Variants in DPP10 observed in about 807,000 individuals in gnomAD.
DPP10 encodes the protein dipeptidyl peptidase like 10.
A neutral mutation model predicts 120.9 loss-of-function variants in DPP10; 33 were observed. That is an observed-to-expected ratio of 0.27 (90% CI 0.21 to 0.37). The LOEUF (loss-of-function observed/expected upper bound fraction) is 0.37. Ranked by LOEUF, DPP10 falls within the 10% of genes least tolerant of loss-of-function variation. The pLI is 1.00. For synonymous variants in DPP10, 337 were observed against 326.1 expected, an observed-to-expected ratio of 1.03 and a Z score of -0.36; for missense variants, 816 against 942.8, an observed-to-expected ratio of 0.87 and a Z score of 1.76.
At chr2:115,112,362 T>C (rs1190061331) in intron 1 of DPP10, among the ~76,000 whole-genome samples, 1 of 152,156 alleles carries the variant, frequency 6.6e-6, no homozygotes, top group Admixed American at 6.5e-5. Context: ...TAAAAATTTT[T>C]ATTTTACATT....
chr2:115,797,137 A>G (rs892918328), intron 19 of DPP10, among the ~76,000 whole-genome samples: 4 of 152,088 alleles, frequency 2.6e-5, no homozygotes, highest in Non-Finnish European at 5.9e-5. Context: ...TACTATGTTA[A>G]TGCTTTGGTG....
chr2:115,836,890 AG>A, intron 24 of DPP10, 144 bp downstream of exon 24: 1 of 682,190 alleles, frequency 1.5e-6, no homozygotes, highest in Non-Finnish European at 2.4e-6. Flanking sequence ...ACATGATAGA[AG>A]GTGGGAAAAA....
intron 10 of DPP10, among the ~76,000 whole-genome samples, chr2:115,747,903 T>C (rs1385312851): frequency 6.6e-6 from 1 of 152,174 alleles, no homozygotes; most frequent in Non-Finnish European, 1.5e-5. Flanking sequence ...CCGCTTGTCT[T>C]GAAATAAAAT....
At position 114,478,970 on chromosome 2, in the gene DPP10, AT is replaced by A. The variant is rs1317272351; in HGVS notation, c.60+36133del. Among the ~76,000 whole-genome samples the A allele has an allele frequency of 6.4e-4, 27 of 42,068 alleles. 13 individuals are homozygous for A. Among genetic ancestry groups the A allele is most frequent in the African/African-American group, 2.5e-3 (26 of 10,380 alleles). 27.6% of individuals were successfully genotyped at this position (42,068 alleles called of 152,430 possible). On this transcript the variant is annotated intron_variant, in intron 1 of 25. Transcript: ENST00000410059. The stretch of plus-strand genomic sequence containing the variant: ...TTCTTAATTTCTTAATAAATTAAGC[AT>A]GTACAGAATCTGTATGCTGAAAATG...
Position 115,573,324 on chromosome 2 carries a change from C to G in DPP10, c.441+47352C>G, listed in dbSNP as rs994331824. On this transcript the variant is annotated intron_variant, in intron 5 of 25. Coordinates refer to ENST00000410059, the MANE Select transcript of DPP10 (RefSeq NM_020868.6). ...TTGAGAAGGAGTCTTGCTCTGTCGC[C>G]CAGGCTGGAGTGCAGTTGTAGGATC... Among the ~76,000 whole-genome samples, 5 of 148,086 alleles carry G rather than the reference C, an allele frequency of 3.4e-5. No homozygotes were observed. The South Asian group carries it at 1.1e-3, about 32-fold the overall frequency.
chr2:114,521,687 T>C lies in DPP10; in HGVS notation c.60+78849T>C, dbSNP rs192181921. Reference sequence around the variant, plus strand: ...TTTATGTGAAACATCTCCTGATGAATAGAAAGTCTGTGGCCATCCAAGCAG... The same window carrying C: ...TTTATGTGAAACATCTCCTGATGAACAGAAAGTCTGTGGCCATCCAAGCAG... On this transcript the variant is annotated intron_variant, in intron 1 of 25. Coordinates refer to ENST00000410059, the MANE Select transcript of DPP10 (RefSeq NM_020868.6). Among the ~76,000 whole-genome samples the C allele has an allele frequency of 9.9e-5, 15 of 152,116 alleles. No individual in the cohort carries two copies. In the East Asian group the frequency reaches 2.3e-3, roughly 24 times the overall value.
chr2:114,972,733 A>G (rs1699478257), intron 1 of DPP10, among the ~76,000 whole-genome samples: 1 of 152,214 alleles, frequency 6.6e-6, no homozygotes, highest in Non-Finnish European at 1.5e-5. Context: ...TAATCAAGAA[A>G]GTGTTCTATG....
chr2:115,404,831 T>G (rs2068390971), intron 3 of DPP10, among the ~76,000 whole-genome samples: 1 of 152,170 alleles, frequency 6.6e-6, no homozygotes, highest in Admixed American at 6.5e-5. Flanking sequence ...CTTTCAAGAA[T>G]TATTCCATTC....
chr2:115,399,876 G>T (rs2067940545), intron 3 of DPP10, among the ~76,000 whole-genome samples: 1 of 152,012 alleles, frequency 6.6e-6, no homozygotes, highest in East Asian at 1.9e-4. Context: ...AAATATATGA[G>T]ATGGGGTCAT....
At chr2:115,732,208 T>G (rs937151028) in intron 8 of DPP10, among the ~76,000 whole-genome samples, 2 of 152,162 alleles carry the variant, frequency 1.3e-5, no homozygotes, top group African/African-American at 4.8e-5. Flanking sequence ...AATTGAAATT[T>G]ACCTTTTGTA....
At chr2:115,806,545 A>G (rs1685992962) in intron 19 of DPP10, among the ~76,000 whole-genome samples, 1 of 151,870 alleles carries the variant, frequency 6.6e-6, no homozygotes, top group South Asian at 2.1e-4. Context: ...GAAAACCAGT[A>G]TTGTATCACC....
intron 1 of DPP10, among the ~76,000 whole-genome samples, chr2:114,554,469 A>G (rs1336883959): frequency 6.6e-6 from 1 of 152,198 alleles, no homozygotes; most frequent in Non-Finnish European, 1.5e-5. Flanking sequence ...GATGTATGAA[A>G]TTTCAGAATC....
chr2:115,093,729 GAC>G (rs1457570738), intron 1 of DPP10, among the ~76,000 whole-genome samples: 2 of 151,926 alleles, frequency 1.3e-5, no homozygotes, highest in Admixed American at 1.3e-4. Context: ...TATATGCAGA[GAC>G]ACACACATAA....
chr2:114,618,361 C>A (rs1174273633), intron 1 of DPP10, among the ~76,000 whole-genome samples: 1 of 151,952 alleles, frequency 6.6e-6, no homozygotes, highest in Non-Finnish European at 1.5e-5. Flanking sequence ...CCATTAATGA[C>A]AAGTACACAG....
At chr2:115,753,895 A>G (rs561584705) in intron 11 of DPP10, among the ~76,000 whole-genome samples, 2 of 152,140 alleles carry the variant, frequency 1.3e-5, no homozygotes, top group Admixed American at 6.6e-5. Context: ...GGTTATGTGT[A>G]TGGTATTTGG....
chr2:115,706,850 C>T lies in DPP10; in HGVS notation c.576+16929C>T, dbSNP rs2092129617. Among the ~76,000 whole-genome samples the T allele has an allele frequency of 4.6e-5, 7 of 151,906 alleles. 1 individual carries two copies. The highest frequency in any genetic ancestry group is 4.6e-4 in the Admixed American group (7 of 15,212). On this transcript the variant is annotated intron_variant, in intron 7 of 25. Transcript: ENST00000410059. Reference sequence around the variant, plus strand: ...TTATTAAATGGCATGCAGATAACTCCCCAAAGGGAACTGTGGTCTGCATTA... The same window carrying T: ...TTATTAAATGGCATGCAGATAACTCTCCAAAGGGAACTGTGGTCTGCATTA...
At chr2:115,258,993 G>A (rs2059130512) in intron 1 of DPP10, among the ~76,000 whole-genome samples, 2 of 152,240 alleles carry the variant, frequency 1.3e-5, no homozygotes. Flanking sequence ...AATGGCTTGA[G>A]CAAAGTTAAG....
At chr2:115,250,841 C>T (rs2105663619) in intron 1 of DPP10, among the ~76,000 whole-genome samples, 1 of 152,180 alleles carries the variant, frequency 6.6e-6, no homozygotes, top group South Asian at 2.1e-4. Flanking sequence ...CAAACATGAT[C>T]TTTATGGGGA....
intron 19 of DPP10, among the ~76,000 whole-genome samples, chr2:115,796,865 A>T (rs574258948): frequency 6.6e-6 from 1 of 152,086 alleles, no homozygotes; most frequent in Non-Finnish European, 1.5e-5. Context: ...TAGGTCATGT[A>T]TGTGTTCCCC....
Sources: gnomAD v4.1 joint callset for allele counts (sites outside exome capture counted in the v4.1 genomes callset) on GRCh38, gnomAD v4.1.1 for gene constraint, MANE v1.5 for transcripts, NCBI Gene and HGNC (gene_info 2026-07-23, HGNC 2026-07-21) for gene names.